Variants in ZNF362 observed in about 807,000 individuals in gnomAD.
ZNF362 encodes the protein zinc finger protein 362, also known as rotund homolog.
Under a neutral mutation model 42.9 loss-of-function variants are expected in ZNF362, and 11 were observed. That is an observed-to-expected ratio of 0.26 (90% CI 0.16 to 0.42). The LOEUF (loss-of-function observed/expected upper bound fraction) is 0.42. Among genes scored for constraint, ZNF362 ranks in the 20% least tolerant of loss-of-function variants. The pLI is 1.00. For synonymous variants in ZNF362, 255 were observed against 257.3 expected, an observed-to-expected ratio of 0.99 and a Z score of 0.09; for missense variants, 362 against 576.2, an observed-to-expected ratio of 0.63 and a Z score of 3.81.
At chr1:33,205,320 C>A in the ZNF362 span, among the ~76,000 whole-genome samples, 4 of 151,872 alleles carry the variant, frequency 2.6e-5, no homozygotes, top group Non-Finnish European at 5.9e-5. Context: ...CTCATCTCTA[C>A]TAAAAATTTA....
At chr1:33,195,869 A>G in the ZNF362 span, 10 of 152,290 alleles carry the variant, frequency 6.6e-5, no homozygotes, top group African/African-American at 2.4e-4. Flanking sequence ...TCTTTCTTCG[A>G]TAATAAATTA....
At chr1:33,154,523 G>A in the ZNF362 span, among the ~76,000 whole-genome samples, 2 of 152,202 alleles carry the variant, frequency 1.3e-5, no homozygotes, top group Admixed American at 1.3e-4. Flanking sequence ...TTTGAGGCTG[G>A]GCGCGGTGGC....
At chr1:33,160,537 T>G in the ZNF362 span, among the ~76,000 whole-genome samples, 1 of 152,008 alleles carries the variant, frequency 6.6e-6, no homozygotes, top group African/African-American at 2.4e-5. Context: ...CCCTAGTAGC[T>G]GGGATTACAG....
At chr1:33,182,910 C>T in the ZNF362 span, among the ~76,000 whole-genome samples, 1 of 152,128 alleles carries the variant, frequency 6.6e-6, no homozygotes, top group South Asian at 2.1e-4. Flanking sequence ...AAGGGAATGA[C>T]CTGGTCCGAT....
chr1:33,242,534 C>T, the ZNF362 span, among the ~76,000 whole-genome samples: 14 of 152,180 alleles, frequency 9.2e-5, no homozygotes, highest in South Asian at 6.2e-4. Context: ...TCCTAGCAAG[C>T]AGTTAGTGAT....
At chr1:33,195,150 G>A in the ZNF362 span, 2 of 152,220 alleles carry the variant, frequency 1.3e-5, no homozygotes, top group Non-Finnish European at 1.5e-5. Context: ...TACCTTTGAA[G>A]TGATCAGAAA....
the ZNF362 span, among the ~76,000 whole-genome samples, chr1:33,249,797 G>A: frequency 6.6e-6 from 1 of 152,134 alleles, no homozygotes; most frequent in Non-Finnish European, 1.5e-5. Flanking sequence ...GTGGGAACAG[G>A]TCCCTGAAGA....
intron 4 of ZNF362, among the ~76,000 whole-genome samples, chr1:33,278,370 AATAC>A (rs1403999216): frequency 6.6e-6 from 1 of 152,250 alleles, no homozygotes; most frequent in African/African-American, 2.4e-5. Context: ...TTATAAAGGT[AATAC>A]ATAGTCATTA....
chr1:33,295,809 C>T (rs1646119486), intron 8 of ZNF362, among the ~76,000 whole-genome samples: 1 of 152,170 alleles, frequency 6.6e-6, no homozygotes, highest in Non-Finnish European at 1.5e-5. Context: ...ACCATTCACC[C>T]CCAGGCGAAT....
In ZNF362 at chr1:33,299,179, T is replaced by C. The variant is rs1472628600; in HGVS notation, c.*133T>C. 13 of 706,920 alleles carry C rather than the reference T, an allele frequency of 1.8e-5. No individual in the cohort carries two copies. In the Admixed American group the frequency reaches 3.2e-4, roughly 18 times the overall value. 43.8% of individuals were successfully genotyped at this position (706,920 alleles called of 1,614,324 possible). On this transcript the variant is annotated 3_prime_UTR_variant, in exon 9 of 9. Transcript: ENST00000539719. The stretch of plus-strand genomic sequence containing the variant: ...CGACCTTCCCAATCTTCCAGAAAGC[T>C]TGGTCCGCAGAAGCCCTGCCTGGTC...
At chr1:33,127,584 C>T in the ZNF362 span, among the ~76,000 whole-genome samples, 1 of 152,148 alleles carries the variant, frequency 6.6e-6, no homozygotes, top group Non-Finnish European at 1.5e-5. Context: ...GGAAAAAGGC[C>T]CAGGGTAACA....
rs1224241797 is a variant in ZNF362, at chr1:33,281,888, A to T, written c.908+77A>T. ...TGGCCTGGCACATGGAGCCAGTGCA[A>T]GGAGGGGCAAGGACCTTCTCCAGGT... On this transcript the variant is annotated intron_variant, in intron 6 of 8. Coordinates refer to ENST00000539719, the MANE Select transcript of ZNF362 (RefSeq NM_152493.3). This position sits in a 1 kb window ranked among gnomAD's most constrained non-coding sequence, Gnocchi z 4.8. 1 of 1,473,450 alleles carries T rather than the reference A, an allele frequency of 6.8e-7. No homozygotes were observed. The highest frequency in any genetic ancestry group is 1.7e-5 in the Admixed American group (1 of 58,160). The allele number at this position is 1,473,450 out of a possible 1,614,324, so 91.3% of individuals were successfully genotyped here.
the ZNF362 span, among the ~76,000 whole-genome samples, chr1:33,232,652 A>C: frequency 1.3e-5 from 2 of 152,216 alleles, no homozygotes; most frequent in Non-Finnish European, 2.9e-5. Flanking sequence ...AGGCATTGAC[A>C]ATATGGGAAG....
the ZNF362 span, among the ~76,000 whole-genome samples, chr1:33,220,156 G>A: frequency 6.6e-6 from 1 of 152,142 alleles, no homozygotes; most frequent in East Asian, 1.9e-4. Context: ...AGGAAAGGTG[G>A]GCAGGGAAGG....
At chr1:33,219,359 G>A in the ZNF362 span, among the ~76,000 whole-genome samples, 4,395 of 152,228 alleles carry the variant, frequency 0.029, 195 homozygotes, top group African/African-American at 0.1. Context: ...ATTCATCGGC[G>A]GACCAGAGAC....
In ZNF362 at chr1:33,276,649, G is replaced by A. The variant is rs1194771274; in HGVS notation, c.349+55G>A. 27 of 1,293,174 alleles carry A rather than the reference G, an allele frequency of 2.1e-5. 1 individual carries two copies. The Middle Eastern group carries it at 1.2e-3, about 56-fold the overall frequency. The allele number at this position is 1,293,174 out of a possible 1,614,324, so 80.1% of individuals were successfully genotyped here. ...CGGTGAGGACTGGGCAGGAGGGGGC[G>A]GGCGTAGCGGGGGACTTGGTGAGGA... On this transcript the variant is annotated intron_variant, in intron 4 of 8. Coordinates refer to ENST00000539719, the MANE Select transcript of ZNF362 (RefSeq NM_152493.3).
chr1:33,250,885 A>AGAAGAAGAAGAAGAAGAAGAAGAG, the ZNF362 span, among the ~76,000 whole-genome samples: 1 of 151,926 alleles, frequency 6.6e-6, no homozygotes, highest in Non-Finnish European at 1.5e-5. Flanking sequence ...AAGAAGAAGA[A>AGAAGAAGAAGAAGAAGAAGAAGAG]GAAGAAGAAG....
At chr1:33,296,017 C>G (rs1455257404) in intron 8 of ZNF362, among the ~76,000 whole-genome samples, 1 of 152,202 alleles carries the variant, frequency 6.6e-6, no homozygotes, top group Non-Finnish European at 1.5e-5. Flanking sequence ...ACACTTCTGC[C>G]TGGTGCTCGG....
the ZNF362 span, chr1:33,195,271 T>C: frequency 6.6e-6 from 1 of 152,178 alleles, no homozygotes; most frequent in Non-Finnish European, 1.5e-5. Flanking sequence ...GCTCAAAGAA[T>C]TTATGAAGGG....
Sources: allele counts gnomAD v4.1 joint callset (sites outside exome capture counted in the v4.1 genomes callset), GRCh38; gene constraint gnomAD v4.1.1; non-coding constraint Gnocchi (gnomAD v3.1); transcripts MANE v1.5; gene names NCBI Gene and HGNC (gene_info 2026-07-23, HGNC 2026-07-21).